The following MREG variants were observed in gnomAD, a reference collection of about 807,000 sequenced individuals.
MREG encodes the protein melanoregulin, also known as dilute suppressor protein homolog.
Under a neutral mutation model 28.5 loss-of-function variants are expected in MREG, and 31 were observed. The ratio of observed to expected loss-of-function variants is 1.09; its 90% CI spans 0.82 to 1.47. MREG has a LOEUF of 1.47. Among genes scored for constraint, MREG ranks in the 40% most tolerant of loss-of-function variants. The probability of loss-of-function intolerance (pLI) is 0.00; values close to 1 mark genes in which losing one functional copy is unlikely to be tolerated. For synonymous variants in MREG, 106 were observed against 95.2 expected (o/e 1.11, Z -0.66); for missense variants, 256 against 257.4 (o/e 0.99, Z 0.04).
chr2:216,010,354 C>CTCTTTTT (rs1404098443), intron 1 of MREG, among the ~76,000 whole-genome samples: 15 of 94,380 alleles, frequency 1.6e-4, no homozygotes, highest in Non-Finnish European at 2.2e-4. Context: ...AAAGATTTCT[C>CTCTTTTT]TTTTTTTTTT....
At position 215,981,188 on chromosome 2, in the gene MREG, A is replaced by G. The variant is rs141119110; in HGVS notation, c.255+15118T>C. Among the ~76,000 whole-genome samples the G allele has an allele frequency of 6.8e-3, 1,036 of 152,324 alleles. 11 individuals carry two copies. The highest frequency in any genetic ancestry group is 0.024 in the African/African-American group (988 of 41,566). ...CAAAAGAACTGAAAACAGGGACTCA[A>G]GCAGATATTTGTACACCCGTGTTTG... On this transcript the variant is annotated intron_variant, in intron 2 of 4. Coordinates refer to ENST00000263268, the MANE Select transcript of MREG (RefSeq NM_018000.3).
At chr2:215,964,532 A>G (rs1692884641) in intron 2 of MREG, among the ~76,000 whole-genome samples, 1 of 152,162 alleles carries the variant, frequency 6.6e-6, no homozygotes, top group Non-Finnish European at 1.5e-5. Context: ...CTAATGAGCA[A>G]AAGACATTGA....
rs1692242667 is a variant in MREG, at chr2:215,943,798, A to T, written c.*1065T>A. 1.8e-5 allele frequency: 3 copies of T among 165,398 alleles called. No individual in the cohort carries two copies. In the South Asian group the frequency reaches 3.1e-4, roughly 17 times the overall value. 10.2% of individuals were successfully genotyped at this position (165,398 alleles called of 1,614,324 possible). ...GGAGGTTGCAGTGAGCCGAGATCGCACCACTGTACTCCAGCCTGGGCGACA... is the reference window on the plus strand; with the variant it reads ...GGAGGTTGCAGTGAGCCGAGATCGCTCCACTGTACTCCAGCCTGGGCGACA... On this transcript the variant is annotated 3_prime_UTR_variant, in exon 5 of 5. Coordinates refer to ENST00000263268, the MANE Select transcript of MREG (RefSeq NM_018000.3).
rs776071721 is a variant in MREG at position 215,996,275 on chromosome 2, C to T, written c.255+31G>A. The T allele has an allele frequency of 1.9e-5, 31 of 1,600,720 alleles. 1 individual carries two copies. The highest frequency in any genetic ancestry group is 9.0e-5 in the South Asian group (8 of 88,512). On this transcript the variant is annotated intron_variant, in intron 2 of 4. Transcript: ENST00000263268. ...CTATTTTTTACTATATAGCATCATCCGCGCACAGCAAGACATCAAAAGGTG... is the reference window on the plus strand; with the variant it reads ...CTATTTTTTACTATATAGCATCATCTGCGCACAGCAAGACATCAAAAGGTG...
chr2:215,994,307 C>T (rs1226364221), intron 2 of MREG, among the ~76,000 whole-genome samples: 1 of 151,690 alleles, frequency 6.6e-6, no homozygotes, highest in Non-Finnish European at 1.5e-5. Flanking sequence ...CAAACTAACA[C>T]AGGAACAGAA....
rs1168371584 is a variant in MREG, at chr2:215,948,347, T to C, written c.256-1234A>G. Among the ~76,000 whole-genome samples, 7 of 152,256 alleles carry C rather than the reference T, an allele frequency of 4.6e-5. No individual in the cohort carries two copies. In the East Asian group the frequency reaches 1.3e-3, roughly 29 times the overall value. ...CAGCAGGGCATGGGCTTTCAGCTAT[T>C]TTCTAGAAGTCAGGAAGTGGCAAGT... On this transcript the variant is annotated intron_variant, in intron 2 of 4. Transcript: ENST00000263268.
chr2:216,016,970 A>C (rs188401487), upstream of MREG, among the ~76,000 whole-genome samples: 6 of 152,326 alleles, frequency 3.9e-5, no homozygotes, highest in African/African-American at 1.4e-4. Flanking sequence ...ATAGTCTTCT[A>C]AAAAATTGGA....
intron 2 of MREG, among the ~76,000 whole-genome samples, chr2:215,973,686 AAAAAG>A (rs1199760330): frequency 9.2e-5 from 14 of 152,230 alleles, no homozygotes; most frequent in African/African-American, 3.1e-4. Flanking sequence ...AACGCTGGCA[AAAAAG>A]AAAAGAAAAG....
upstream of MREG, among the ~76,000 whole-genome samples, chr2:216,016,928 ATTAATT>A (rs2105928657): frequency 6.6e-6 from 1 of 152,366 alleles, no homozygotes; most frequent in African/African-American, 2.4e-5. Flanking sequence ...CATTTTTAAA[ATTAATT>A]TTAAGTTCTA....
chr2:215,965,798 T>A (rs1331119754), intron 2 of MREG, among the ~76,000 whole-genome samples: 6 of 151,802 alleles, frequency 4.0e-5, no homozygotes, highest in Non-Finnish European at 8.8e-5. Flanking sequence ...CTAAAGGGAG[T>A]AGGGGACTTG....
At chr2:215,993,849 A>G (rs1332027437) in intron 2 of MREG, among the ~76,000 whole-genome samples, 1 of 152,256 alleles carries the variant, frequency 6.6e-6, no homozygotes, top group East Asian at 1.9e-4. Flanking sequence ...AATGCAAATC[A>G]AAACTACAAT....
At chr2:216,014,723 G>C (rs1021432454), upstream of MREG, among the ~76,000 whole-genome samples, 1 of 151,944 alleles carries the variant, frequency 6.6e-6, no homozygotes, top group African/African-American at 2.4e-5. Context: ...CTGGGTCATT[G>C]GTCAGGTGCC....
intron 2 of MREG, among the ~76,000 whole-genome samples, chr2:215,987,389 G>C (rs1210852383): frequency 3.3e-5 from 5 of 151,936 alleles, no homozygotes; most frequent in African/African-American, 1.2e-4. Context: ...TGGAATTACA[G>C]GTAAGTGCCA....
chr2:215,971,147 G>T (rs1013807149), intron 2 of MREG, among the ~76,000 whole-genome samples: 1 of 152,076 alleles, frequency 6.6e-6, no homozygotes, highest in South Asian at 2.1e-4. Context: ...CAGGGGATGG[G>T]GCGCAAGGAG....
At chr2:215,967,833 C>T (rs1692986457) in intron 2 of MREG, among the ~76,000 whole-genome samples, 1 of 152,136 alleles carries the variant, frequency 6.6e-6, no homozygotes, top group South Asian at 2.1e-4. Context: ...GCCCATGTGT[C>T]ATAGTGAGTC....
At chr2:215,996,003 T>C (rs1693862683) in intron 2 of MREG, among the ~76,000 whole-genome samples, 2 of 152,222 alleles carry the variant, frequency 1.3e-5, no homozygotes, top group Non-Finnish European at 1.5e-5. Context: ...AGATTAGAGA[T>C]GGACGGTTTA....
At chr2:215,956,910 G>A (rs1336290143) in intron 2 of MREG, among the ~76,000 whole-genome samples, 2 of 152,256 alleles carry the variant, frequency 1.3e-5, no homozygotes, top group East Asian at 3.9e-4. Flanking sequence ...GGGGAGGGCT[G>A]TGTTACCCTA....
intron 2 of MREG, among the ~76,000 whole-genome samples, chr2:215,972,204 C>T (rs549822727): frequency 9.2e-5 from 14 of 152,244 alleles, no homozygotes; most frequent in East Asian, 3.9e-4. Context: ...CCAACTCCAA[C>T]GTGGGAAAGA....
chr2:215,998,307 C>CAAAAAA (rs1222506866), intron 1 of MREG, among the ~76,000 whole-genome samples: 16 of 123,894 alleles, frequency 1.3e-4, no homozygotes, highest in African/African-American at 3.0e-4. Flanking sequence ...CTCCATCTCA[C>CAAAAAA]AAAAAAAAAA....
Sources: gnomAD v4.1 joint callset for allele counts (sites outside exome capture counted in the v4.1 genomes callset) on GRCh38, gnomAD v4.1.1 for gene constraint, MANE v1.5 for transcripts, NCBI Gene and HGNC (gene_info 2026-07-23, HGNC 2026-07-21) for gene names.